MYO1H: variants seen among roughly 807,000 people sequenced by gnomAD.
MYO1H encodes myosin IH.
A neutral mutation model predicts 149.3 loss-of-function variants in MYO1H; 118 were observed. The ratio of observed to expected loss-of-function variants is 0.79; its 90% CI spans 0.68 to 0.92. The LOEUF is 0.92. MYO1H is among the 40% of genes least tolerant of loss of function. The pLI is 0.00. For missense variants in MYO1H, 1,212 were observed against 1,280.7 expected (o/e 0.95, Z 0.82); for synonymous variants, 447 against 465.2 (o/e 0.96, Z 0.50).
chr12:109,391,943 T>C (rs2137036681), intron 2 of MYO1H, among the ~76,000 whole-genome samples: 2 of 152,342 alleles, frequency 1.3e-5, no homozygotes, highest in Non-Finnish European at 2.9e-5. Context: ...TTAAATTCCT[T>C]GTAGACTGGA....
intron 1 of MYO1H, among the ~76,000 whole-genome samples, chr12:109,355,831 C>G (rs1230239565): frequency 6.6e-6 from 1 of 151,450 alleles, no homozygotes; most frequent in Non-Finnish European, 1.5e-5. Flanking sequence ...CCTCAGCCTC[C>G]CAAGTAGCTG....
chr12:109,380,457 T>C (rs1245213784), intron 1 of MYO1H, among the ~76,000 whole-genome samples: 2 of 152,222 alleles, frequency 1.3e-5, no homozygotes, highest in African/African-American at 4.8e-5. Flanking sequence ...GTAATGTGTC[T>C]CTACAATTCC....
At chr12:109,436,047 C>T (rs1022550665) in intron 21 of MYO1H, among the ~76,000 whole-genome samples, 4 of 152,066 alleles carry the variant, frequency 2.6e-5, no homozygotes, top group Non-Finnish European at 5.9e-5. Flanking sequence ...ATGTAGAAGC[C>T]GAGGGAGAGT....
chr12:109,378,302 C>CT (rs71079554), intron 1 of MYO1H, among the ~76,000 whole-genome samples: 36,511 of 149,922 alleles, frequency 0.24, 5,244 homozygotes, highest in East Asian at 0.39. Flanking sequence ...TTTTCTTTTT[C>CT]TTTTTTTTTC....
At chr12:109,314,487 G>A in the MYO1H span, among the ~76,000 whole-genome samples, 1 of 152,172 alleles carries the variant, frequency 6.6e-6, no homozygotes, top group African/African-American at 2.4e-5. Flanking sequence ...ATTCCCTGCT[G>A]CTAGCAGGCT....
chr12:109,422,467 G>A (rs888796020), intron 16 of MYO1H, among the ~76,000 whole-genome samples: 1 of 152,190 alleles, frequency 6.6e-6, no homozygotes, highest in East Asian at 1.9e-4. Context: ...GCTGCTGTCC[G>A]CCTCATGGAG....
chr12:109,350,117 C>T (rs996775212), intron 1 of MYO1H, among the ~76,000 whole-genome samples: 8 of 151,936 alleles, frequency 5.3e-5, no homozygotes, highest in Non-Finnish European at 1.0e-4. Flanking sequence ...CTGATTTTAG[C>T]GAGCATTTGC....
At chr12:109,428,113 A>C (rs1382686901) in intron 19 of MYO1H, among the ~76,000 whole-genome samples, 2 of 150,252 alleles carry the variant, frequency 1.3e-5, no homozygotes, top group Non-Finnish European at 3.0e-5. Context: ...ACAAAAAAAA[A>C]AACTCACAAA....
intron 1 of MYO1H, among the ~76,000 whole-genome samples, chr12:109,377,105 A>G (rs1869101081): frequency 6.6e-6 from 1 of 152,214 alleles, no homozygotes; most frequent in Non-Finnish European, 1.5e-5. Context: ...AAACATTTCC[A>G]TCACTCCAAA....
At chr12:109,397,581 C>A (rs990155982) in intron 4 of MYO1H, 151 bp from the exon 5 acceptor site, 2 of 530,210 alleles carry the variant, frequency 3.8e-6, no homozygotes, top group East Asian at 3.3e-5. Flanking sequence ...CTGTAGTTAG[C>A]GATTCCTTCT....
At chr12:109,436,554 C>T (rs1424520308) in exon 22 of MYO1H, 1 of 1,603,570 alleles carries the variant, frequency 6.2e-7, no homozygotes. Context: ...AAAAGACAAG[C>T]AGGTAAGAAT....
chr12:109,396,796 G>C (rs1227869000), intron 4 of MYO1H, among the ~76,000 whole-genome samples: 1 of 121,242 alleles, frequency 8.2e-6, no homozygotes, highest in Non-Finnish European at 1.8e-5. Flanking sequence ...TAAGACATTT[G>C]GTTTTTGTTT....
At chr12:109,431,992 A>ATTTTTT (rs554701536) in intron 19 of MYO1H, among the ~76,000 whole-genome samples, 6 of 85,746 alleles carry the variant, frequency 7.0e-5, no homozygotes, top group South Asian at 4.0e-4. Flanking sequence ...TAAAAAAAAA[A>ATTTTTT]TTTTTTTTTT....
intron 1 of MYO1H, among the ~76,000 whole-genome samples, chr12:109,358,019 A>C (rs1378481552): frequency 6.7e-6 from 1 of 150,354 alleles, no homozygotes; most frequent in Non-Finnish European, 1.5e-5. Flanking sequence ...AGAGCAGCAA[A>C]ACTGTTCTTG....
At chr12:109,446,407 A>C (rs777833535) in intron 31 of MYO1H, 12 of 985,310 alleles carry the variant, frequency 1.2e-5, no homozygotes, top group Non-Finnish European at 1.3e-5. Context: ...AAATTAATTA[A>C]AAAATGGTCT....
chr12:109,423,408 C>T (rs749056406), intron 16 of MYO1H, among the ~76,000 whole-genome samples: 3 of 152,188 alleles, frequency 2.0e-5, no homozygotes, highest in African/African-American at 7.2e-5. Context: ...GTGATCCACC[C>T]GCCTTGGTCT....
At chr12:109,359,507 C>T (rs1868692864) in intron 1 of MYO1H, 1 of 152,082 alleles carries the variant, frequency 6.6e-6, no homozygotes, top group African/African-American at 2.4e-5. Context: ...TGTTGTGTCT[C>T]GCGGGCCCCA....
intron 1 of MYO1H, among the ~76,000 whole-genome samples, chr12:109,371,213 CTTTT>C (rs34350111): frequency 7.6e-5 from 9 of 118,340 alleles, no homozygotes; most frequent in African/African-American, 2.2e-4. Context: ...TTTTTTCTTT[CTTTT>C]TTTTTTTTTT....
At chr12:109,445,348 G>T in intron 30 of MYO1H, 165 bp from the exon 31 acceptor site, 1 of 584,898 alleles carries the variant, frequency 1.7e-6, no homozygotes. Context: ...CCCAGCTGTG[G>T]CAACAGCATT....
Sources: gnomAD v4.1 joint callset for allele counts (sites outside exome capture counted in the v4.1 genomes callset) on GRCh38, gnomAD v4.1.1 for gene constraint, MANE v1.5 for transcripts, NCBI Gene and HGNC (gene_info 2026-07-23, HGNC 2026-07-21) for gene names.